The following SBF1 variants were observed in gnomAD, a reference collection of about 807,000 sequenced individuals.
SBF1 encodes myotubularin-related protein 5.
Under a neutral mutation model 215.8 loss-of-function variants are expected in SBF1, and 65 were observed. The observed-to-expected ratio is 0.30, with a 90% CI of 0.25 to 0.37. SBF1 has a LOEUF of 0.37. SBF1 is among the 10% of genes least tolerant of loss of function. The probability of loss-of-function intolerance (pLI) is 1.00; values close to 1 mark genes in which losing one functional copy is unlikely to be tolerated. For missense variants in SBF1, 2,634 were observed against 2,667.8 expected (o/e 0.99, Z 0.28); for synonymous variants, 1,410 against 1,122.8 (o/e 1.26, Z -5.11).
Position 50,447,521 on chromosome 22 carries a change from C to G in SBF1, c.5451+1G>C. 6.2e-7 allele frequency: 1 copy of G among 1,610,994 alleles called. No homozygotes were observed. The highest frequency in any genetic ancestry group is 8.5e-7 in the Non-Finnish European group (1 of 1,177,492). On this transcript the variant is annotated splice_donor_variant, in intron 39 of 40. Coordinates refer to ENST00000380817, the MANE Select transcript of SBF1 (RefSeq NM_002972.4). LOFTEE classifies it high-confidence loss of function. ...GTCCCCCCCACCACCTGATCACTCA[C>G]CTGGTGCTTGGTCTTGTCCAGCACG...
At chr22:50,464,494 G>C (rs763865522) in intron 14 of SBF1, 40 bp downstream of exon 14, 31 of 1,601,854 alleles carry the variant, frequency 1.9e-5, no homozygotes, top group Admixed American at 1.2e-4. Flanking sequence ...CCCATCCTGG[G>C]CCACGCTCGG....
Position 50,457,061 on chromosome 22 carries a change from A to C in SBF1, c.3877T>G (p.Ser1293Ala). 2 of 1,469,360 alleles carry C rather than the reference A, an allele frequency of 1.4e-6. No individual in the cohort carries two copies. The highest frequency in any genetic ancestry group is 1.8e-6 in the Non-Finnish European group (2 of 1,116,456). The allele number at this position is 1,469,360 out of a possible 1,614,324, so 91.0% of individuals were successfully genotyped here. ...CGGGGTGCGGTCCGTCTGGAGGCCG[A>C]GGCCGCCATGGGGTTGGACAGCGTG... ...VTTLSNPMAASASRRTAPRGK... is the reference protein window; with the variant it reads ...VTTLSNPMAAAASRRTAPRGK... The change falls in exon 29 of 41, where the codon TCG (serine) becomes GCG (alanine). Residue 1293 changes from serine to alanine, a missense_variant. Transcript: ENST00000380817.
Position 50,447,092 on chromosome 22 carries a change from T to C in SBF1, c.*50A>G, listed in dbSNP as rs781199081. On this transcript the variant is annotated 3_prime_UTR_variant, in exon 41 of 41. Coordinates refer to ENST00000380817, the MANE Select transcript of SBF1 (RefSeq NM_002972.4). ...TGGCCGGGGCGGCCCTGCCCACCCCTAGTGGTCGGTAACGACCGGAAGCAG... is the reference window on the plus strand; with the variant it reads ...TGGCCGGGGCGGCCCTGCCCACCCCCAGTGGTCGGTAACGACCGGAAGCAG... The C allele has an allele frequency of 2.6e-6, 4 of 1,535,602 alleles. No individual in the cohort carries two copies. The highest frequency in any genetic ancestry group is 3.6e-6 in the Non-Finnish European group (4 of 1,125,598).
Position 50,461,530 on chromosome 22 carries a change from G to C in SBF1, c.2832C>G (p.Asp944Glu). 1 of 1,599,202 alleles carries C rather than the reference G, an allele frequency of 6.3e-7. No homozygotes were observed. Among genetic ancestry groups the C allele is most frequent in the Non-Finnish European group, 8.5e-7 (1 of 1,170,036 alleles). ...GAGAGTCTGCAGGCTCACCCAGGGG[G>C]TCCGTGGGCATCCCCGTGAAGATGA... ...YRVIFTGMPT[D>E]PLVGEQVVVR... is the part of the protein sequence containing the mutation. The change falls in exon 22 of 41, where the codon GAC (aspartate) becomes GAG (glutamate). Residue 944 changes from aspartate (D) to glutamate (E), a missense_variant. Physicochemically the swap from Asp to Glu is conservative, Grantham distance 45. Transcript: ENST00000380817.
At chr22:50,465,651 CTGGAG>C (rs1487777041) in intron 10 of SBF1, 107 bp downstream of exon 10, 1 of 1,010,644 alleles carries the variant, frequency 9.9e-7, no homozygotes, top group African/African-American at 1.6e-5. Context: ...GCTTCTGCTA[CTGGAG>C]CCGGGGCCAG....
At position 50,459,272 on chromosome 22, in the gene SBF1, G is replaced by A; in HGVS notation, c.3809C>T (p.Ala1270Val). ...GRNTLSGFSS[A>V]HMGSHVPSPR... ...ACCCTCACCGTGACTGCCCATGTGG[G>A]CTGAGGAGAAGCCGCTAAGCGTGTT... The change falls in exon 28 of 41, where the codon GCC (alanine) becomes GTC (valine). Residue 1270 changes from alanine (A) to valine (V), a missense_variant. Coordinates refer to ENST00000380817, the MANE Select transcript of SBF1 (RefSeq NM_002972.4). 1 of 1,606,152 alleles carries A rather than the reference G, an allele frequency of 6.2e-7. No individual in the cohort carries two copies. The highest frequency in any genetic ancestry group is 8.5e-7 in the Non-Finnish European group (1 of 1,174,256).
In SBF1 at chr22:50,462,370, T is replaced by TTCTGCA; in HGVS notation, c.2230_2231insTGCAGA (p.Glu744delinsValGlnLys). 1 of 1,614,116 alleles carries TTCTGCA rather than the reference T, an allele frequency of 6.2e-7. No homozygotes were observed. Among genetic ancestry groups the TTCTGCA allele is most frequent in the Non-Finnish European group, 8.5e-7 (1 of 1,180,022 alleles). ...CGTGCTCTCCTCCTTCTGCACCAGC[T>TTCTGCA]CCTGCTGCTTCTCACGACTCAGAGT... is the stretch of plus-strand genomic sequence containing the variant. On this transcript the variant is annotated protein_altering_variant, in exon 19 of 41. Transcript: ENST00000380817.
At chr22:50,465,468 G>T in intron 10 of SBF1, 140 bp from the exon 11 acceptor site, 1 of 744,412 alleles carries the variant, frequency 1.3e-6, no homozygotes, top group African/African-American at 1.7e-5. Flanking sequence ...CTGCACTCAG[G>T]GCCACCAGCT....
At chr22:50,469,712 G>A (rs1603434935) in intron 1 of SBF1, among the ~76,000 whole-genome samples, 1 of 152,112 alleles carries the variant, frequency 6.6e-6, no homozygotes, top group South Asian at 2.1e-4. Flanking sequence ...CAAGGCGGGG[G>A]TCATGCTCAA....
At position 50,466,336 on chromosome 22, in the gene SBF1, C is replaced by A; in HGVS notation, c.788+14G>T. 1 of 1,583,794 alleles carries A rather than the reference C, an allele frequency of 6.3e-7. No individual in the cohort carries two copies. The highest frequency in any genetic ancestry group is 8.6e-7 in the Non-Finnish European group (1 of 1,163,510). ...GGCCAGGAGAAGGGGCTGGGAGGGC[C>A]GGGCAGGGGTCACCTGTATCTGAGA... On this transcript the variant is annotated intron_variant, in intron 7 of 40. Coordinates refer to ENST00000380817, the MANE Select transcript of SBF1 (RefSeq NM_002972.4).
intron 1 of SBF1, among the ~76,000 whole-genome samples, chr22:50,472,274 G>A (rs549256176): frequency 1.3e-5 from 2 of 152,278 alleles, no homozygotes; most frequent in African/African-American, 2.4e-5. Context: ...ACTAGCAACT[G>A]GGATGCTGCC....
chr22:50,461,491 G>T (rs766075458), intron 22 of SBF1, 32 bp downstream of exon 22: 1 of 1,562,568 alleles, frequency 6.4e-7, no homozygotes. Flanking sequence ...GGGGGAGAGG[G>T]GGCGACAGGG....
Position 50,474,927 on chromosome 22 carries a change from GCCCTGGACCGCGCA to G in SBF1, c.-101_-88del. On this transcript the variant is annotated 5_prime_UTR_variant, in exon 1 of 41. An upstream open reading frame in the 5' UTR loses its in-frame stop. Coordinates refer to ENST00000380817, the MANE Select transcript of SBF1 (RefSeq NM_002972.4). ...ACGGCGCGCTCATGGCCCGGCCCCG[GCCCTGGACCGCGCA>G]CCCCGGACACCCCTGGTTCGCTCCG... 1 of 975,476 alleles carries G rather than the reference GCCCTGGACCGCGCA, an allele frequency of 1.0e-6. No individual in the cohort carries two copies. Among genetic ancestry groups the G allele is most frequent in the South Asian group, 2.5e-5 (1 of 39,466 alleles). The allele number at this position is 975,476 out of a possible 1,614,324, so 60.4% of individuals were successfully genotyped here. A position where few individuals can be genotyped will look rare whatever the true frequency, so the allele number is the denominator to read the frequency against.
Position 50,455,540 on chromosome 22 carries a change from G to A in SBF1, c.4309C>T (p.Leu1437=), listed in dbSNP as rs1209796609. The change falls in exon 32 of 41, where the codon CTG becomes TTG. Residue 1437 remains leucine (L), a synonymous_variant. Coordinates refer to ENST00000380817, the MANE Select transcript of SBF1 (RefSeq NM_002972.4). ...LQVSVLVVEL[L]DSGSSVLVGL... ...ACCAGCACGGAGGAGCCTGAATCCA[G>A]GAGCTCCACCACCAGCACAGACACC... 8.8e-6 allele frequency: 14 copies of A among 1,596,740 alleles called. No homozygotes were observed. In the South Asian group the frequency reaches 1.1e-4, roughly 13 times the overall value.
Position 50,447,342 on chromosome 22 carries a change from C to G in SBF1, c.5563G>C (p.Asp1855His). ...TPTMGAPKTV[D>H]EKAFFDVKTT... is the part of the protein sequence containing the mutation. ...CTCACGTCAAAGAAGGCCTTCTCGT[C>G]CACAGTCTTAGGGGCACCCATAGTG... Residue 1855 changes from aspartate (D) to histidine (H), a missense_variant, in exon 40 of 41, where the codon GAC becomes CAC. By Grantham distance (81) the Asp-to-His change is moderately conservative. Transcript: ENST00000380817. The G allele has an allele frequency of 1.2e-6, 2 of 1,614,102 alleles. No homozygotes were observed. Among genetic ancestry groups the G allele is most frequent in the Non-Finnish European group, 1.7e-6 (2 of 1,179,982 alleles).
At chr22:50,464,466 C>G in intron 14 of SBF1, 25 bp from the exon 15 acceptor site, 1 of 1,607,854 alleles carries the variant, frequency 6.2e-7, no homozygotes, top group Non-Finnish European at 8.5e-7. Flanking sequence ...TACACACACT[C>G]GGACCCCTGA....
intron 1 of SBF1, among the ~76,000 whole-genome samples, 196 bp downstream of exon 1, chr22:50,474,590 G>A (rs1394209662): frequency 8.0e-5 from 10 of 125,252 alleles, no homozygotes; most frequent in Non-Finnish European, 1.4e-4. Context: ...CTCAGTCCTC[G>A]GCTCCCCCGA....
rs760115907 is a variant in SBF1 at position 50,456,342 on chromosome 22, G to A, written c.4140C>T (p.Phe1380=). The A allele has an allele frequency of 2.1e-5, 34 of 1,613,182 alleles. No homozygotes were observed. Among genetic ancestry groups the A allele is most frequent in the East Asian group, 1.8e-4 (8 of 44,898 alleles). The change falls in exon 31 of 41, where the codon TTC becomes TTT. Residue 1380 remains phenylalanine, a synonymous_variant. Coordinates refer to ENST00000380817, the MANE Select transcript of SBF1 (RefSeq NM_002972.4). ...QQWELVPIEV[F]EARQVKASFK... ...AGCTAGCCTTCACCTGCCGTGCCTC[G>A]AATACCTCAATGGGCACCAGCTCCC...
chr22:50,451,166 C>CAAAAAAAAA (rs58188399), intron 36 of SBF1, among the ~76,000 whole-genome samples: 10 of 83,186 alleles, frequency 1.2e-4, no homozygotes, highest in African/African-American at 4.8e-4. Context: ...CCCATCTCTA[C>CAAAAAAAAA]AAAAAAAAAA....
Sources: allele counts gnomAD v4.1 joint callset (sites outside exome capture counted in the v4.1 genomes callset), GRCh38; gene constraint gnomAD v4.1.1; transcripts MANE v1.5; gene names NCBI Gene and HGNC (gene_info 2026-07-23, HGNC 2026-07-21).